The following ACBD3 variants were observed in gnomAD, a reference collection of about 807,000 sequenced individuals.
The protein encoded by ACBD3 is acyl-CoA binding domain containing 3, also known as Golgi resident protein GCP60.
Under a neutral mutation model 66.9 loss-of-function variants are expected in ACBD3, and 30 were observed. That is an observed-to-expected ratio of 0.45 (90% CI 0.34 to 0.61). The LOEUF (loss-of-function observed/expected upper bound fraction) is 0.61. Ranked by LOEUF, ACBD3 falls within the 20% of genes least tolerant of loss-of-function variation. The probability of loss-of-function intolerance (pLI) is 0.02; values close to 1 mark genes in which losing one functional copy is unlikely to be tolerated. For missense variants in ACBD3, 544 were observed against 664.5 expected (o/e 0.82, Z 1.99); for synonymous variants, 278 against 259.8 (o/e 1.07, Z -0.68).
chr1:226,161,146 CT>C (rs369852670), intron 4 of ACBD3, among the ~76,000 whole-genome samples: 24 of 134,204 alleles, frequency 1.8e-4, no homozygotes, highest in South Asian at 6.9e-4. Context: ...TAATACATTC[CT>C]TTTTTTTTTT....
Position 226,166,049 on chromosome 1 carries a change from A to G in ACBD3, c.287-49T>C, listed in dbSNP as rs768850622. Reference sequence around the variant, plus strand: ...AAAACAATTAGCACAGGCAAAATACATAATTTTCAGCATTATATACTAAAG... The same window carrying G: ...AAAACAATTAGCACAGGCAAAATACGTAATTTTCAGCATTATATACTAAAG... On this transcript the variant is annotated intron_variant, in intron 1 of 7. Coordinates refer to ENST00000366812, the MANE Select transcript of ACBD3 (RefSeq NM_022735.4). 4.4e-5 allele frequency: 68 copies of G among 1,561,946 alleles called. 1 individual carries two copies. Among genetic ancestry groups the G allele is most frequent in the African/African-American group, 3.5e-4 (25 of 72,246 alleles).
At chr1:226,182,595 C>T (rs1332189470) in intron 1 of ACBD3, among the ~76,000 whole-genome samples, 1 of 152,030 alleles carries the variant, frequency 6.6e-6, no homozygotes, top group East Asian at 1.9e-4. Flanking sequence ...GCCTGGGTGA[C>T]ATAGCAAGAC....
At chr1:226,158,854 A>C (rs2102779001) in intron 5 of ACBD3, among the ~76,000 whole-genome samples, 1 of 152,356 alleles carries the variant, frequency 6.6e-6, no homozygotes, top group Middle Eastern at 3.4e-3. Flanking sequence ...TGCCTGAAGG[A>C]CATCTCTGAA....
chr1:226,153,841 A>G (rs1659621813), intron 6 of ACBD3, among the ~76,000 whole-genome samples: 1 of 152,204 alleles, frequency 6.6e-6, no homozygotes, highest in Non-Finnish European at 1.5e-5. Flanking sequence ...TTGTGAGGTC[A>G]CCACCCACAA....
chr1:226,148,104 T>G (rs899734020), intron 7 of ACBD3: 1 of 152,174 alleles, frequency 6.6e-6, no homozygotes, highest in African/African-American at 2.4e-5. Flanking sequence ...TATAGCAGAT[T>G]AAGGAGATAT....
Position 226,186,634 on chromosome 1 carries a change from G to A in ACBD3, c.42C>T (p.Val14=), listed in dbSNP as rs926860360. 4 of 1,512,890 alleles carry A rather than the reference G, an allele frequency of 2.6e-6. No homozygotes were observed. The highest frequency in any genetic ancestry group is 3.5e-6 in the Non-Finnish European group (4 of 1,137,894). 93.7% of individuals were successfully genotyped at this position (1,512,890 alleles called of 1,614,324 possible). A position where few individuals can be genotyped will look rare whatever the true frequency, so the allele number is the denominator to read the frequency against. Residue 14 remains valine, a synonymous_variant, in exon 1 of 8, where the codon GTC becomes GTT. Coordinates refer to ENST00000366812, the MANE Select transcript of ACBD3 (RefSeq NM_022735.4). ...VLNAERLEVS[V]DGLTLSPDPE... is the part of the protein sequence containing the mutation. ...GGTCCGGGCTGAGCGTGAGGCCGTC[G>A]ACGGACACCTCGAGTCGCTCTGCGT...
chr1:226,181,087 C>T (rs1016732264), intron 1 of ACBD3, among the ~76,000 whole-genome samples: 1 of 151,434 alleles, frequency 6.6e-6, no homozygotes, highest in Admixed American at 6.6e-5. Context: ...TCAAATTTAA[C>T]ATGAACTTGG....
At position 226,159,258 on chromosome 1, in the gene ACBD3, T is replaced by A; in HGVS notation, c.829A>T (p.Ile277Phe). The A allele has an allele frequency of 6.2e-7, 1 of 1,611,020 alleles. No homozygotes were observed. The highest frequency in any genetic ancestry group is 8.5e-7 in the Non-Finnish European group (1 of 1,177,242). ...TAGTGTTGCTCCTGCAACTGGCGGA[T>A]GAGAATTTGCTGCTGTTCGTAGTTC... ...PGNYEQQQIL[I>F]RQLQEQHYQQ... The change falls in exon 5 of 8, where the codon ATC (isoleucine) becomes TTC (phenylalanine). Residue 277 changes from isoleucine (I) to phenylalanine (F), a missense_variant. Around this residue, in one of 3 missense-constraint regions of ACBD3, gnomAD observed 383 missense variants for 462.4 expected, o/e 0.83. Coordinates refer to ENST00000366812, the MANE Select transcript of ACBD3 (RefSeq NM_022735.4).
chr1:226,175,869 T>C (rs916688989), intron 1 of ACBD3, among the ~76,000 whole-genome samples: 1 of 152,210 alleles, frequency 6.6e-6, no homozygotes, highest in Non-Finnish European at 1.5e-5. Flanking sequence ...AATAAACTCA[T>C]GCACAATTTC....
Position 226,152,629 on chromosome 1 carries a change from A to G in ACBD3, c.1091-10T>C. 6.2e-7 allele frequency: 1 copy of G among 1,610,022 alleles called. No homozygotes were observed. On this transcript the variant is annotated splice_polypyrimidine_tract_variant and intron_variant, in intron 6 of 7. Transcript: ENST00000366812. The stretch of plus-strand genomic sequence containing the variant: ...ATTACTGGAAGAGATTCTAAAGGCA[A>G]TAGGTATTAAAAAGCTAAAGAAAAA...
At chr1:226,170,606 T>C (rs1320061230) in intron 1 of ACBD3, among the ~76,000 whole-genome samples, 1 of 152,048 alleles carries the variant, frequency 6.6e-6, no homozygotes, top group East Asian at 1.9e-4. Flanking sequence ...ATTTCGAACA[T>C]ACACACACAC....
At chr1:226,156,229 T>A (rs904857164) in intron 5 of ACBD3, among the ~76,000 whole-genome samples, 2 of 152,236 alleles carry the variant, frequency 1.3e-5, no homozygotes, top group Non-Finnish European at 2.9e-5. Flanking sequence ...CACTATAGAT[T>A]TGCTTTGCCT....
chr1:226,169,718 A>C (rs1322757669), intron 1 of ACBD3, among the ~76,000 whole-genome samples: 4 of 54 alleles, frequency 0.074, no homozygotes, highest in Non-Finnish European at 0.14. Context: ...TTTTAAAACA[A>C]AAAAAAAAAA....
At position 226,186,648 on chromosome 1, in the gene ACBD3, G is replaced by C. The variant is rs1162116762; in HGVS notation, c.28C>G (p.Leu10Val). The C allele has an allele frequency of 1.3e-6, 2 of 1,514,408 alleles. No homozygotes were observed. Among genetic ancestry groups the C allele is most frequent in the Non-Finnish European group, 8.8e-7 (1 of 1,138,406 alleles). The allele number at this position is 1,514,408 out of a possible 1,614,324, so 93.8% of individuals were successfully genotyped here. Residue 10 changes from leucine to valine, a missense_variant, in exon 1 of 8, where the codon CTC (leucine) becomes GTC (valine). Transcript: ENST00000366812. ...GTGAGGCCGTCGACGGACACCTCGAGTCGCTCTGCGTTCAGCACCGCCGCC... is the reference window on the plus strand; with the variant it reads ...GTGAGGCCGTCGACGGACACCTCGACTCGCTCTGCGTTCAGCACCGCCGCC... MAAVLNAER[L>V]EVSVDGLTLS...
At chr1:226,165,768 T>C (rs998988395) in intron 2 of ACBD3, 91 bp downstream of exon 2, 5 of 1,429,236 alleles carry the variant, frequency 3.5e-6, no homozygotes, top group South Asian at 3.1e-5. Context: ...CCTAAGCTAA[T>C]GAACCAGCTA....
intron 1 of ACBD3, among the ~76,000 whole-genome samples, chr1:226,180,271 A>G (rs1309521662): frequency 2.6e-5 from 4 of 152,176 alleles, no homozygotes; most frequent in African/African-American, 7.2e-5. Flanking sequence ...CTGCTTAGTA[A>G]AAGTTTTAAG....
intron 1 of ACBD3, among the ~76,000 whole-genome samples, chr1:226,166,485 T>G (rs1051162084): frequency 8.2e-6 from 1 of 121,568 alleles, no homozygotes; most frequent in Non-Finnish European, 1.7e-5. Context: ...GGTATGCTGA[T>G]TTTTTTTTTT....
chr1:226,176,344 G>T (rs1385026884), intron 1 of ACBD3, among the ~76,000 whole-genome samples: 1 of 147,250 alleles, frequency 6.8e-6, no homozygotes, highest in East Asian at 2.0e-4. Flanking sequence ...AGAACTGCTT[G>T]AACCGGGACT....
At chr1:226,173,349 TATTC>T (rs1195995280) in intron 1 of ACBD3, among the ~76,000 whole-genome samples, 2 of 152,358 alleles carry the variant, frequency 1.3e-5, no homozygotes, top group Admixed American at 6.5e-5. Context: ...TTATTTTATT[TATTC>T]ATTTTTTATT....
Sources: allele counts gnomAD v4.1 joint callset (sites outside exome capture counted in the v4.1 genomes callset), GRCh38; gene constraint gnomAD v4.1.1; regional missense constraint gnomAD v4.1.1; transcripts MANE v1.5; gene names NCBI Gene and HGNC (gene_info 2026-07-23, HGNC 2026-07-21).